Variants in SAMD12 observed in about 807,000 individuals in gnomAD.
SAMD12 encodes the protein sterile alpha motif domain-containing protein 12.
Under a neutral mutation model 15.0 loss-of-function variants are expected in SAMD12, and 9 were observed. The observed-to-expected ratio is 0.60, with a 90% CI of 0.36 to 1.05. SAMD12 has a LOEUF of 1.05. Among genes scored for constraint, SAMD12 ranks in the 50% least tolerant of loss-of-function variants. The pLI is 0.01. For missense variants in SAMD12, 230 were observed against 234.2 expected, an observed-to-expected ratio of 0.98 and a Z score of 0.12; for synonymous variants, 86 against 90.1, an observed-to-expected ratio of 0.96 and a Z score of 0.25.
intron 4 of SAMD12, among the ~76,000 whole-genome samples, chr8:118,360,738 A>C (rs562146898): frequency 2.0e-5 from 3 of 152,276 alleles, no homozygotes; most frequent in Non-Finnish European, 4.4e-5. Context: ...AGCAAACTCT[A>C]CTCGTGCTAG....
chr8:118,479,911 G>GA (rs1438060728), intron 2 of SAMD12, among the ~76,000 whole-genome samples: 2 of 151,878 alleles, frequency 1.3e-5, no homozygotes, highest in Non-Finnish European at 2.9e-5. Context: ...ATTATCTCTT[G>GA]AAAACAAGGT....
At chr8:118,319,139 T>C (rs1230553552) in intron 4 of SAMD12, among the ~76,000 whole-genome samples, 1 of 152,146 alleles carries the variant, frequency 6.6e-6, no homozygotes, top group Non-Finnish European at 1.5e-5. Flanking sequence ...TTCATAAATA[T>C]CTACCATGAG....
rs1159280462 is a variant in SAMD12, at chr8:118,321,284, G to GT, written c.433+58275dup. Among the ~76,000 whole-genome samples the GT allele has an allele frequency of 9.2e-4, 112 of 121,854 alleles. 3 individuals carry two copies. The South Asian group carries it at 0.011, about 12-fold the overall frequency. The allele number at this position is 121,854 out of a possible 152,430, so 79.9% of individuals were successfully genotyped here. Reference sequence around the variant, plus strand: ...AATCCCTTGCTAAGGGAAAAGAGGTGTTTTTTTTTTGTTTTTTTTTTTTTT... The same window carrying GT: ...AATCCCTTGCTAAGGGAAAAGAGGTGTTTTTTTTTTTGTTTTTTTTTTTTTT... On this transcript the variant is annotated intron_variant, in intron 4 of 4. Coordinates refer to the SAMD12 transcript ENST00000409003.
intron 4 of SAMD12, among the ~76,000 whole-genome samples, chr8:118,227,845 T>C (rs1387532665): frequency 2.0e-5 from 3 of 151,900 alleles, no homozygotes; most frequent in Admixed American, 2.0e-4. Flanking sequence ...TAAGCAAAAA[T>C]AACAAATCTG....
intron 3 of SAMD12, among the ~76,000 whole-genome samples, chr8:118,389,657 G>T (rs1820161865): frequency 6.6e-6 from 1 of 151,950 alleles, no homozygotes; most frequent in East Asian, 1.9e-4. Context: ...GGAGGTTATA[G>T]TGAGCCGAGA....
chr8:118,241,838 A>G (rs1812575023), intron 4 of SAMD12, among the ~76,000 whole-genome samples: 1 of 152,206 alleles, frequency 6.6e-6, no homozygotes, highest in South Asian at 2.1e-4. Context: ...ATTCCGCAAT[A>G]AATAAACCAG....
At chr8:118,287,504 C>T (rs1814116007) in intron 4 of SAMD12, among the ~76,000 whole-genome samples, 1 of 152,130 alleles carries the variant, frequency 6.6e-6, no homozygotes, top group Non-Finnish European at 1.5e-5. Context: ...AAAGGAAAAT[C>T]TTTTATTGAT....
chr8:118,449,798 C>CA (rs35279962), intron 2 of SAMD12, among the ~76,000 whole-genome samples: 4,134 of 72,234 alleles, frequency 0.057, 365 homozygotes, highest in African/African-American at 0.17. Flanking sequence ...GAGACTGTCT[C>CA]AAAAAAAAAA....
intron 3 of SAMD12, among the ~76,000 whole-genome samples, chr8:118,392,056 C>T (rs1004149635): frequency 3.9e-5 from 6 of 152,146 alleles, no homozygotes; most frequent in African/African-American, 9.7e-5. Context: ...TGCATTTCTT[C>T]GCTGGCAAAA....
At chr8:118,493,351 C>T (rs1824502743) in intron 2 of SAMD12, among the ~76,000 whole-genome samples, 2 of 152,118 alleles carry the variant, frequency 1.3e-5, no homozygotes, top group African/African-American at 4.8e-5. Context: ...CAGCACAAAA[C>T]TCTAAACATT....
intron 4 of SAMD12, among the ~76,000 whole-genome samples, chr8:118,331,260 G>A (rs1816794754): frequency 6.6e-6 from 1 of 152,016 alleles, no homozygotes; most frequent in Non-Finnish European, 1.5e-5. Context: ...ATGCACCAGG[G>A]GAAGCAGAAG....
At chr8:118,512,864 C>T (rs140629698) in intron 2 of SAMD12, among the ~76,000 whole-genome samples, 9 of 152,152 alleles carry the variant, frequency 5.9e-5, no homozygotes, top group Admixed American at 3.3e-4. Flanking sequence ...TTCTCTGTGA[C>T]GCTTTTCCCA....
At chr8:118,615,202 C>T (rs1437607521) in intron 1 of SAMD12, among the ~76,000 whole-genome samples, 3 of 152,130 alleles carry the variant, frequency 2.0e-5, no homozygotes, top group Non-Finnish European at 4.4e-5. Flanking sequence ...TGCCCTTTCC[C>T]CGATTCCCAC....
chr8:118,566,035 C>A (rs1826836934), intron 2 of SAMD12, among the ~76,000 whole-genome samples: 1 of 152,216 alleles, frequency 6.6e-6, no homozygotes, highest in African/African-American at 2.4e-5. Flanking sequence ...ATTCAGCTCT[C>A]TGCGGAGCAG....
At chr8:118,521,736 A>C (rs530722493) in intron 2 of SAMD12, among the ~76,000 whole-genome samples, 22 of 152,222 alleles carry the variant, frequency 1.4e-4, no homozygotes, top group African/African-American at 4.6e-4. Context: ...GCTAAGTGAT[A>C]AGGCCTATGA....
intron 1 of SAMD12, among the ~76,000 whole-genome samples, chr8:118,595,733 C>T (rs1009548530): frequency 5.3e-5 from 8 of 152,166 alleles, no homozygotes; most frequent in South Asian, 2.1e-4. Context: ...TTAACATGCT[C>T]GAATCTTGCC....
intron 2 of SAMD12, among the ~76,000 whole-genome samples, chr8:118,455,012 G>A (rs1474149163): frequency 6.6e-6 from 1 of 152,122 alleles, no homozygotes; most frequent in Non-Finnish European, 1.5e-5. Flanking sequence ...TTCTCCATAG[G>A]AAAGCATCTT....
At chr8:118,165,627 T>TACACATATATAC in the SAMD12 span, among the ~76,000 whole-genome samples, 156 of 138,102 alleles carry the variant, frequency 1.1e-3, 3 homozygotes, top group Middle Eastern at 7.3e-3. Flanking sequence ...TATATATATA[T>TACACATATATAC]ATATATATAC....
intron 2 of SAMD12, among the ~76,000 whole-genome samples, chr8:118,564,240 A>T (rs1254004425): frequency 6.7e-6 from 1 of 149,862 alleles, no homozygotes; most frequent in African/African-American, 2.5e-5. Context: ...CACATACACT[A>T]ATGGCGCTGG....
Sources: gnomAD v4.1 joint callset for allele counts (sites outside exome capture counted in the v4.1 genomes callset) on GRCh38, gnomAD v4.1.1 for gene constraint, MANE v1.5 for transcripts, NCBI Gene and HGNC (gene_info 2026-07-23, HGNC 2026-07-21) for gene names.